Variants in NCALD observed in about 807,000 individuals in gnomAD.
NCALD encodes the protein neurocalcin-delta.
In NCALD, 10 loss-of-function variants were observed where a neutral mutation model predicts 18.6. That is an observed-to-expected ratio of 0.54 (90% CI 0.33 to 0.91). NCALD has a LOEUF of 0.91. Among genes scored for constraint, NCALD ranks in the 40% least tolerant of loss-of-function variants. The probability of loss-of-function intolerance (pLI) is 0.03; values close to 1 mark genes in which losing one functional copy is unlikely to be tolerated. For synonymous variants in NCALD, 88 were observed against 87.4 expected (o/e 1.01, Z -0.04); for missense variants, 184 against 247.6 (o/e 0.74, Z 1.72).
At chr8:101,843,745 C>T (rs1814749055) in intron 4 of NCALD, among the ~76,000 whole-genome samples, 3 of 151,960 alleles carry the variant, frequency 2.0e-5, no homozygotes, top group Admixed American at 2.0e-4. Flanking sequence ...CCATACCCAG[C>T]TAATTTTTGT....
intron 2 of NCALD, among the ~76,000 whole-genome samples, chr8:101,711,768 A>T (rs963007094): frequency 6.6e-6 from 1 of 152,148 alleles, no homozygotes; most frequent in African/African-American, 2.4e-5. Flanking sequence ...ATACGGGACT[A>T]TGTGAAAAGA....
chr8:102,117,039 A>T (rs145885430), intron 1 of NCALD, among the ~76,000 whole-genome samples: 48 of 152,310 alleles, frequency 3.2e-4, no homozygotes, highest in African/African-American at 1.1e-3. Context: ...ATGCCCAAGA[A>T]TGCTGCAGCT....
intron 1 of NCALD, among the ~76,000 whole-genome samples, chr8:101,785,056 A>G (rs184992086): frequency 7.9e-4 from 120 of 152,348 alleles, no homozygotes; most frequent in Non-Finnish European, 1.4e-3. Context: ...ATAAAGAGCC[A>G]GGACTCTGAA....
intron 1 of NCALD, among the ~76,000 whole-genome samples, chr8:102,091,155 T>C (rs539959005): frequency 6.6e-5 from 10 of 152,348 alleles, no homozygotes; most frequent in East Asian, 3.9e-4. Flanking sequence ...TCTGAGATTC[T>C]GTCTATGGAA....
chr8:101,953,722 G>A (rs180856580), intron 2 of NCALD, among the ~76,000 whole-genome samples: 5 of 152,374 alleles, frequency 3.3e-5, no homozygotes, highest in Admixed American at 2.0e-4. Flanking sequence ...ATGATCATGT[G>A]GATTTTAGAG....
intron 3 of NCALD, among the ~76,000 whole-genome samples, chr8:101,903,837 G>C (rs1817519584): frequency 6.6e-6 from 1 of 152,200 alleles, no homozygotes; most frequent in Non-Finnish European, 1.5e-5. Flanking sequence ...GCTTCTAAAA[G>C]ACAGAAGGGT....
intron 2 of NCALD, among the ~76,000 whole-genome samples, chr8:101,703,191 C>T (rs1815350870): frequency 6.6e-6 from 1 of 151,240 alleles, no homozygotes; most frequent in Non-Finnish European, 1.5e-5. Flanking sequence ...GCCTAGAATG[C>T]TTCTTCATGA....
At chr8:101,831,796 C>G (rs1486703848) in intron 4 of NCALD, among the ~76,000 whole-genome samples, 1 of 152,118 alleles carries the variant, frequency 6.6e-6, no homozygotes, top group African/African-American at 2.4e-5. Flanking sequence ...TATTCTAGAT[C>G]TCAATGGCTC....
chr8:101,874,249 G>C (rs1013660034), intron 4 of NCALD, among the ~76,000 whole-genome samples: 1 of 152,178 alleles, frequency 6.6e-6, no homozygotes, highest in Non-Finnish European at 1.5e-5. Context: ...GCTGATAGCT[G>C]TATCTAGACA....
intron 1 of NCALD, among the ~76,000 whole-genome samples, chr8:102,065,979 G>A (rs1457280099): frequency 2.0e-5 from 3 of 152,088 alleles, no homozygotes; most frequent in Non-Finnish European, 4.4e-5. Context: ...AATTATTCAT[G>A]AGAAGACAAT....
chr8:101,844,359 CTT>C (rs35559892), intron 4 of NCALD, among the ~76,000 whole-genome samples: 1,843 of 145,160 alleles, frequency 0.013, 21 homozygotes, highest in Middle Eastern at 0.038. Context: ...ACTCTAAATT[CTT>C]TTTTTTTTTT....
intron 2 of NCALD, among the ~76,000 whole-genome samples, chr8:101,933,636 C>T (rs1818654858): frequency 6.6e-6 from 1 of 152,166 alleles, no homozygotes; most frequent in Non-Finnish European, 1.5e-5. Context: ...GACCTCACCT[C>T]CACCCAACTT....
At chr8:101,871,954 G>GAC in intron 4 of NCALD, 1 of 749,496 alleles carries the variant, frequency 1.3e-6, no homozygotes, top group Non-Finnish European at 2.4e-6. Context: ...TCTAGATTCA[G>GAC]ACAGTTTCCA....
chr8:101,912,188 T>TA (rs1356790107), intron 3 of NCALD, among the ~76,000 whole-genome samples: 4 of 151,878 alleles, frequency 2.6e-5, no homozygotes, highest in Non-Finnish European at 5.9e-5. Flanking sequence ...ATGTAAAATA[T>TA]AAAAAAACTA....
At chr8:101,788,321 C>T (rs1363807618) in intron 1 of NCALD, among the ~76,000 whole-genome samples, 1 of 152,196 alleles carries the variant, frequency 6.6e-6, no homozygotes, top group Non-Finnish European at 1.5e-5. Context: ...TTTAGTTTCA[C>T]TAACCTCAAA....
chr8:101,891,667 G>T (rs1391051359), intron 3 of NCALD, among the ~76,000 whole-genome samples: 3 of 152,352 alleles, frequency 2.0e-5, no homozygotes, highest in Middle Eastern at 3.4e-3. Flanking sequence ...CACCGAGTGC[G>T]AGCCGAAGCA....
At chr8:101,851,901 G>C (rs1815107641) in intron 4 of NCALD, among the ~76,000 whole-genome samples, 1 of 152,150 alleles carries the variant, frequency 6.6e-6, no homozygotes, top group African/African-American at 2.4e-5. Flanking sequence ...CTTTTCGAGA[G>C]GTGATTAAGT....
At chr8:101,945,504 A>G (rs1819133368) in intron 2 of NCALD, among the ~76,000 whole-genome samples, 2 of 152,234 alleles carry the variant, frequency 1.3e-5, no homozygotes, top group Non-Finnish European at 2.9e-5. Context: ...TCTCTATTTA[A>G]TGACTGGAGT....
intron 2 of NCALD, among the ~76,000 whole-genome samples, chr8:101,970,740 T>G (rs1399463031): frequency 6.6e-6 from 1 of 152,132 alleles, no homozygotes; most frequent in Non-Finnish European, 1.5e-5. Flanking sequence ...TTTGCTACAA[T>G]GCTGTTCAAA....
Sources: gnomAD v4.1 joint callset for allele counts (sites outside exome capture counted in the v4.1 genomes callset) on GRCh38, gnomAD v4.1.1 for gene constraint, MANE v1.5 for transcripts, NCBI Gene and HGNC (gene_info 2026-07-23, HGNC 2026-07-21) for gene names.